CAMK2D: variants seen among roughly 807,000 people sequenced by gnomAD.
The protein encoded by CAMK2D is calcium/calmodulin-dependent protein kinase type II subunit delta.
In CAMK2D, 37 loss-of-function variants were observed where a neutral mutation model predicts 84.0. The ratio of observed to expected loss-of-function variants is 0.44; its 90% confidence interval spans 0.34 to 0.58. The LOEUF (loss-of-function observed/expected upper bound fraction) is 0.58. Ranked by LOEUF, CAMK2D falls within the 20% of genes least tolerant of loss-of-function variation. The pLI, the probability that CAMK2D is intolerant of heterozygous loss-of-function variation, is 0.02. For missense variants in CAMK2D, 448 were observed against 652.5 expected (o/e 0.69, Z 3.41); for synonymous variants, 202 against 212.5 (o/e 0.95, Z 0.43).
At chr4:113,510,156 A>G (rs996297138) in intron 12 of CAMK2D, among the ~76,000 whole-genome samples, 3 of 152,218 alleles carry the variant, frequency 2.0e-5, no homozygotes, top group Admixed American at 2.0e-4. Context: ...CTCTGGCTAA[A>G]TAACATCTTC....
chr4:113,470,797 C>T lies in CAMK2D; in HGVS notation c.1136-5193G>A, dbSNP rs191500708. ...CATGTAACCGATTAATCAGTTTTCT[C>T]TATTACTCTAGAAGGGTGGTACTGC... is the stretch of plus-strand genomic sequence containing the variant. On this transcript the variant is annotated intron_variant, in intron 16 of 20. Transcript: ENST00000511664. 2.6e-5 allele frequency among the ~76,000 whole-genome samples: 4 copies of T among 152,268 alleles called. No homozygotes were observed. The East Asian group carries it at 7.7e-4, about 29-fold the overall frequency.
intron 17 of CAMK2D, among the ~76,000 whole-genome samples, chr4:113,462,866 T>TA (rs1245401282): frequency 6.6e-6 from 1 of 152,080 alleles, no homozygotes; most frequent in Non-Finnish European, 1.5e-5. Flanking sequence ...AAAGATTTTT[T>TA]AAAAAAGAGA....
At chr4:113,757,485 C>T (rs1331655860) in intron 2 of CAMK2D, among the ~76,000 whole-genome samples, 1 of 151,948 alleles carries the variant, frequency 6.6e-6, no homozygotes, top group East Asian at 1.9e-4. Flanking sequence ...CTGGTTGCAG[C>T]GTTAATAATG....
intron 4 of CAMK2D, among the ~76,000 whole-genome samples, chr4:113,553,742 A>G (rs1489807087): frequency 1.3e-5 from 2 of 152,244 alleles, no homozygotes; most frequent in Non-Finnish European, 2.9e-5. Context: ...TCTAAAAACC[A>G]TGGTTACATG....
chr4:113,485,359 A>G (rs958541466), intron 16 of CAMK2D, among the ~76,000 whole-genome samples: 1 of 152,206 alleles, frequency 6.6e-6, no homozygotes, highest in Non-Finnish European at 1.5e-5. Flanking sequence ...TTGGCACTCA[A>G]TAGTCCCTCA....
intron 2 of CAMK2D, among the ~76,000 whole-genome samples, chr4:113,727,055 G>A (rs147061351): frequency 9.4e-4 from 143 of 152,174 alleles, no homozygotes; most frequent in African/African-American, 3.0e-3. Flanking sequence ...ACTAGTCTCC[G>A]CTCATGTGTT....
At chr4:113,521,523 A>G (rs2098358256) in intron 8 of CAMK2D, among the ~76,000 whole-genome samples, 1 of 152,224 alleles carries the variant, frequency 6.6e-6, no homozygotes, top group Non-Finnish European at 1.5e-5. Context: ...AGAGACCAAG[A>G]TTGAGCACTT....
intron 4 of CAMK2D, among the ~76,000 whole-genome samples, chr4:113,607,942 G>C (rs887702456): frequency 6.6e-6 from 1 of 152,238 alleles, no homozygotes; most frequent in Non-Finnish European, 1.5e-5. Context: ...ATTTGTCAAT[G>C]CCAGTTGTAA....
At chr4:113,738,929 A>T (rs1159069140) in intron 2 of CAMK2D, among the ~76,000 whole-genome samples, 1 of 152,138 alleles carries the variant, frequency 6.6e-6, no homozygotes, top group Non-Finnish European at 1.5e-5. Context: ...AATAAATAAC[A>T]CATCCCAAAA....
chr4:113,500,620 T>C (rs372499841), intron 15 of CAMK2D, 109 bp from the exon 16 acceptor site: 22 of 633,372 alleles, frequency 3.5e-5, no homozygotes, highest in East Asian at 5.5e-5. Flanking sequence ...CAGCAGGCTA[T>C]GTGCATATGC....
chr4:113,728,963 T>C (rs150866292), intron 2 of CAMK2D, among the ~76,000 whole-genome samples: 1 of 152,290 alleles, frequency 6.6e-6, no homozygotes, highest in East Asian at 1.9e-4. Flanking sequence ...TACCTAAAAC[T>C]AATTTCTTGC....
chr4:113,626,509 A>T (rs1214790595), intron 3 of CAMK2D, among the ~76,000 whole-genome samples: 1 of 152,230 alleles, frequency 6.6e-6, no homozygotes, highest in Admixed American at 6.5e-5. Flanking sequence ...TTTGTTATGA[A>T]TAAATATTAC....
chr4:113,685,236 CTTCT>C (rs1192687832), intron 2 of CAMK2D, among the ~76,000 whole-genome samples: 6 of 138,360 alleles, frequency 4.3e-5, no homozygotes, highest in South Asian at 5.0e-4. Flanking sequence ...ACATTTCAGA[CTTCT>C]TTTTTTTTTT....
chr4:113,629,502 A>G (rs1379586315), intron 3 of CAMK2D, among the ~76,000 whole-genome samples: 2 of 152,260 alleles, frequency 1.3e-5, no homozygotes, highest in South Asian at 2.1e-4. Flanking sequence ...ATATACATAC[A>G]TAACTAAAAC....
chr4:113,489,207 T>C (rs1405121330), intron 16 of CAMK2D, among the ~76,000 whole-genome samples: 4 of 151,822 alleles, frequency 2.6e-5, no homozygotes, highest in African/African-American at 9.7e-5. Context: ...GTTACATATG[T>C]ATACATGTGC....
rs533986049 is a variant in CAMK2D at position 113,571,919 on chromosome 4, A to T, written c.276-19823T>A. Among the ~76,000 whole-genome samples, 35 of 152,338 alleles carry T rather than the reference A, an allele frequency of 2.3e-4. No individual in the cohort carries two copies. The South Asian group carries it at 3.9e-3, about 17-fold the overall frequency. Reference sequence around the variant, plus strand: ...GAGAAGTGTGAAAACCAATTTGGAGACAATAAATTCAATTAACTCAAACAA... The same window carrying T: ...GAGAAGTGTGAAAACCAATTTGGAGTCAATAAATTCAATTAACTCAAACAA... On this transcript the variant is annotated intron_variant, in intron 4 of 20. Coordinates refer to ENST00000511664, the MANE Select transcript of CAMK2D (RefSeq NM_001321571.2).
intron 16 of CAMK2D, among the ~76,000 whole-genome samples, chr4:113,477,614 T>G (rs1350566164): frequency 6.6e-6 from 1 of 151,582 alleles, no homozygotes; most frequent in Non-Finnish European, 1.5e-5. Flanking sequence ...GGTGTGGTGG[T>G]GGGTGCCTGT....
chr4:113,619,319 T>C (rs1343995832), intron 3 of CAMK2D, among the ~76,000 whole-genome samples: 1 of 152,146 alleles, frequency 6.6e-6, no homozygotes, highest in African/African-American at 2.4e-5. Context: ...CATTTCTGTG[T>C]TTCTACCCTG....
chr4:113,627,927 G>A (rs1390594695), intron 3 of CAMK2D, among the ~76,000 whole-genome samples: 3 of 152,122 alleles, frequency 2.0e-5, no homozygotes, highest in Admixed American at 2.0e-4. Flanking sequence ...TTTTCCAAGA[G>A]CAGGCAAACT....
Sources: gnomAD v4.1 joint callset for allele counts (sites outside exome capture counted in the v4.1 genomes callset) on GRCh38, gnomAD v4.1.1 for gene constraint, MANE v1.5 for transcripts, NCBI Gene and HGNC (gene_info 2026-07-23, HGNC 2026-07-21) for gene names.